Variants in ACVR1C observed in about 807,000 individuals in gnomAD.
ACVR1C encodes activin A receptor type 1C.
Under a neutral mutation model 57.9 loss-of-function variants are expected in ACVR1C, and 23 were observed. The ratio of observed to expected loss-of-function variants is 0.40; its 90% CI spans 0.29 to 0.56. The LOEUF is 0.56. Among genes scored for constraint, ACVR1C ranks in the 20% least tolerant of loss-of-function variants. The probability of loss-of-function intolerance (pLI) is 0.50; values close to 1 mark genes in which losing one functional copy is unlikely to be tolerated. For missense variants in ACVR1C, 480 were observed against 607.9 expected, an observed-to-expected ratio of 0.79 and a Z score of 2.21; for synonymous variants, 214 against 215.3, an observed-to-expected ratio of 0.99 and a Z score of 0.05.
intron 1 of ACVR1C, among the ~76,000 whole-genome samples, chr2:157,588,877 A>ATATACGTGTGTGTGTATATATATATATG (rs1688994641): frequency 7.1e-6 from 1 of 141,138 alleles, no homozygotes; most frequent in African/African-American, 2.7e-5. Context: ...ATATATATAT[A>ATATACGTGTGTGTGTATATATATATATG]TACGTGTGTG....
chr2:157,622,919 AT>A (rs1278773508), intron 1 of ACVR1C, among the ~76,000 whole-genome samples: 1 of 152,196 alleles, frequency 6.6e-6, no homozygotes, highest in Non-Finnish European at 1.5e-5. Context: ...GGGAAAAAAA[AT>A]CTAATAATCC....
chr2:157,622,519 G>A (rs1185855258), intron 1 of ACVR1C, among the ~76,000 whole-genome samples: 1 of 152,164 alleles, frequency 6.6e-6, no homozygotes, highest in Non-Finnish European at 1.5e-5. Flanking sequence ...CTGGGGAAAG[G>A]ATAGTCTCTT....
At chr2:157,598,720 T>G (rs1177974474) in intron 1 of ACVR1C, among the ~76,000 whole-genome samples, 4 of 151,978 alleles carry the variant, frequency 2.6e-5, no homozygotes, top group Non-Finnish European at 5.9e-5. Flanking sequence ...GTATTTTTAG[T>G]AGAGGCAGGG....
intron 2 of ACVR1C, among the ~76,000 whole-genome samples, chr2:157,586,061 T>G (rs1688913607): frequency 6.6e-6 from 1 of 152,072 alleles, no homozygotes. Context: ...ATTCTCTTAG[T>G]TTTTTTGGAT....
chr2:157,562,889 A>T (rs7587733), intron 2 of ACVR1C, among the ~76,000 whole-genome samples: 83,085 of 152,056 alleles, frequency 0.55, 24,191 homozygotes, highest in African/African-American at 0.75. Flanking sequence ...TCTCAATAGA[A>T]GCAGAAAAGG....
intron 7 of ACVR1C, 21 bp downstream of exon 7, chr2:157,541,069 A>G (rs763158918): frequency 6.2e-7 from 1 of 1,608,428 alleles, no homozygotes; most frequent in Admixed American, 1.7e-5. Flanking sequence ...GCAAACACAA[A>G]GGATATTTCC....
intron 1 of ACVR1C, among the ~76,000 whole-genome samples, chr2:157,614,471 T>C (rs149220925): frequency 5.3e-5 from 8 of 152,322 alleles, no homozygotes; most frequent in Non-Finnish European, 1.0e-4. Context: ...ATGTGTATTC[T>C]GCTGTTGTTA....
chr2:157,553,650 C>T (rs773788579), intron 3 of ACVR1C, among the ~76,000 whole-genome samples: 39 of 152,202 alleles, frequency 2.6e-4, no homozygotes, highest in Admixed American at 7.8e-4. Context: ...CCAAAATGCA[C>T]GTTTTTATCT....
rs115453511 is a variant in ACVR1C, at chr2:157,582,292, T to C, written c.304+4895A>G. Among the ~76,000 whole-genome samples, 647 of 152,284 alleles carry C rather than the reference T, an allele frequency of 4.2e-3. 8 individuals are homozygous for C. Among genetic ancestry groups the C allele is most frequent in the African/African-American group, 0.014 (601 of 41,556 alleles). ...GTGAGCCATGGAGCAAGACACTGCC[T>C]TAAAAAATTTTTTTTTAATTAAAAA... On this transcript the variant is annotated intron_variant, in intron 2 of 8. Transcript: ENST00000243349.
chr2:157,546,345 C>A (rs746089593), intron 4 of ACVR1C, among the ~76,000 whole-genome samples: 1 of 152,172 alleles, frequency 6.6e-6, no homozygotes, highest in South Asian at 2.1e-4. Context: ...GCCTTTACCC[C>A]ATTTCTGCTT....
intron 4 of ACVR1C, among the ~76,000 whole-genome samples, 200 bp downstream of exon 4, chr2:157,549,962 C>T (rs1457019684): frequency 2.0e-5 from 3 of 147,008 alleles, no homozygotes; most frequent in African/African-American, 2.5e-5. Context: ...GAGATTGAGC[C>T]GCTGCACTCC....
chr2:157,601,757 C>T (rs1188788791), intron 1 of ACVR1C, among the ~76,000 whole-genome samples: 1 of 152,170 alleles, frequency 6.6e-6, no homozygotes, highest in African/African-American at 2.4e-5. Flanking sequence ...ACCTCTAACC[C>T]TGCTGTGCAG....
intron 1 of ACVR1C, among the ~76,000 whole-genome samples, chr2:157,603,667 T>A (rs1003986042): frequency 1.3e-5 from 2 of 152,090 alleles, no homozygotes; most frequent in African/African-American, 4.8e-5. Context: ...GACTGCAATT[T>A]CCTTTGCTAA....
chr2:157,592,486 A>C (rs1689070358), intron 1 of ACVR1C, among the ~76,000 whole-genome samples: 1 of 152,096 alleles, frequency 6.6e-6, no homozygotes, highest in South Asian at 2.1e-4. Flanking sequence ...AAAATTGAGG[A>C]TTTGTTAATG....
intron 2 of ACVR1C, among the ~76,000 whole-genome samples, chr2:157,585,118 G>C (rs1688884672): frequency 6.6e-6 from 1 of 152,096 alleles, no homozygotes; most frequent in Admixed American, 6.5e-5. Flanking sequence ...TGAGGTAATG[G>C]AGATGTGGTG....
chr2:157,555,274 G>A (rs948554244), intron 3 of ACVR1C, among the ~76,000 whole-genome samples: 1 of 150,902 alleles, frequency 6.6e-6, no homozygotes. Context: ...GCCCGCCACC[G>A]CGCCCGGCTA....
At chr2:157,549,829 C>CAAAAAAAAAAAAAAAAA (rs1173469291) in intron 4 of ACVR1C, among the ~76,000 whole-genome samples, 1 of 47,542 alleles carries the variant, frequency 2.1e-5, no homozygotes, top group Non-Finnish European at 4.6e-5. Context: ...ACTAAAAATA[C>CAAAAAAAAAAAAAAAAA]AAAAAAAAAA....
At position 157,544,563 on chromosome 2, in the gene ACVR1C, C is replaced by A; in HGVS notation, c.825G>T (p.Gln275His). ...QLWLVSEYHE[Q>H]GSLYDYLNRN... ...TATTCAAATAGTCATATAAGGAGCC[C>A]TGTTCATGATATTCAGATACCAGCC... Residue 275 changes from glutamine (Q) to histidine (H), a missense_variant, in exon 5 of 9, where the codon CAG becomes CAT. Coordinates refer to ENST00000243349, the MANE Select transcript of ACVR1C (RefSeq NM_145259.3). 1 of 1,613,718 alleles carries A rather than the reference C, an allele frequency of 6.2e-7. No homozygotes were observed. Among genetic ancestry groups the A allele is most frequent in the Non-Finnish European group, 8.5e-7 (1 of 1,179,764 alleles).
At position 157,607,903 on chromosome 2, in the gene ACVR1C, G is replaced by A. The variant is rs560793462; in HGVS notation, c.74-20486C>T. Among the ~76,000 whole-genome samples, 9 of 151,720 alleles carry A rather than the reference G, an allele frequency of 5.9e-5. No individual in the cohort carries two copies. In the South Asian group the frequency reaches 1.9e-3, roughly 32 times the overall value. ...TATAAGATCGTGTCCTCTGCAAAGA[G>A]GGATAATTTTATTTCCTCATTTCCA... On this transcript the variant is annotated intron_variant, in intron 1 of 8. Coordinates refer to ENST00000243349, the MANE Select transcript of ACVR1C (RefSeq NM_145259.3).
Sources: allele counts gnomAD v4.1 joint callset (sites outside exome capture counted in the v4.1 genomes callset), GRCh38; gene constraint gnomAD v4.1.1; transcripts MANE v1.5; gene names NCBI Gene and HGNC (gene_info 2026-07-23, HGNC 2026-07-21).